Variants in CMSS1 observed in about 807,000 individuals in gnomAD.
CMSS1 encodes protein CMSS1.
A neutral mutation model predicts 43.5 loss-of-function variants in CMSS1; 33 were observed. The observed-to-expected ratio is 0.76, with a 90% CI of 0.57 to 1.01. The LOEUF is 1.01. Ranked by LOEUF, CMSS1 falls within the 50% of genes least tolerant of loss-of-function variation. The pLI is 0.00. For missense variants in CMSS1, 313 were observed against 326.4 expected (o/e 0.96, Z 0.32); for synonymous variants, 115 against 117.2 (o/e 0.98, Z 0.12).
intron 1 of CMSS1, among the ~76,000 whole-genome samples, chr3:99,970,532 TC>T (rs2107716161): frequency 6.6e-6 from 1 of 152,388 alleles, no homozygotes. Flanking sequence ...CAGAACACTT[TC>T]TCTACATTTT....
chr3:99,821,616 T>G (rs1942440706), intron 1 of CMSS1, among the ~76,000 whole-genome samples: 1 of 152,244 alleles, frequency 6.6e-6, no homozygotes, highest in African/African-American at 2.4e-5. Context: ...TGTGAAAATA[T>G]TAATGCTGAA....
chr3:99,962,785 A>G (rs1708533653), intron 1 of CMSS1, among the ~76,000 whole-genome samples: 1 of 152,214 alleles, frequency 6.6e-6, no homozygotes. Context: ...TGGGAGAGCT[A>G]GGATTTGGCT....
intron 1 of CMSS1, among the ~76,000 whole-genome samples, chr3:100,143,616 AT>A (rs2066822236): frequency 6.6e-6 from 1 of 152,146 alleles, no homozygotes; most frequent in African/African-American, 2.4e-5. Flanking sequence ...CTATCTAGTC[AT>A]TCTCTCAATT....
At chr3:99,862,161 G>A (rs940209133) in intron 1 of CMSS1, among the ~76,000 whole-genome samples, 1 of 151,972 alleles carries the variant, frequency 6.6e-6, no homozygotes, top group African/African-American at 2.4e-5. Flanking sequence ...ACAATATCTA[G>A]ATATATAAAA....
intron 1 of CMSS1, among the ~76,000 whole-genome samples, chr3:100,099,462 C>T (rs1228538923): frequency 6.6e-6 from 1 of 152,114 alleles, no homozygotes; most frequent in East Asian, 1.9e-4. Context: ...GAGAGCTGAT[C>T]TTGTAGCTAG....
intron 1 of CMSS1, among the ~76,000 whole-genome samples, chr3:100,058,746 TAGA>T (rs1310015196): frequency 6.6e-6 from 1 of 152,228 alleles, no homozygotes; most frequent in African/African-American, 2.4e-5. Flanking sequence ...GGCTTTTCAG[TAGA>T]AGGAGGACGC....
chr3:99,906,266 G>A (rs187837513), intron 1 of CMSS1, among the ~76,000 whole-genome samples: 22 of 152,242 alleles, frequency 1.4e-4, no homozygotes, highest in Non-Finnish European at 2.9e-4. Flanking sequence ...AATTTAATTT[G>A]TATTTCCCTG....
chr3:99,942,379 A>G (rs1015632925), intron 1 of CMSS1, among the ~76,000 whole-genome samples: 2 of 152,184 alleles, frequency 1.3e-5, no homozygotes, highest in Admixed American at 1.3e-4. Flanking sequence ...CAGGGGATAG[A>G]GGTGAAATAA....
At chr3:100,073,990 C>T (rs1019065142) in intron 1 of CMSS1, among the ~76,000 whole-genome samples, 2 of 151,850 alleles carry the variant, frequency 1.3e-5, no homozygotes, top group Admixed American at 6.6e-5. Flanking sequence ...TTCTCCTTCC[C>T]TTTTTTCAGT....
intron 1 of CMSS1, among the ~76,000 whole-genome samples, chr3:99,936,790 A>G (rs1707689920): frequency 6.6e-6 from 1 of 151,996 alleles, no homozygotes; most frequent in Non-Finnish European, 1.5e-5. Flanking sequence ...ACTATGCTGT[A>G]TCTACTTAGC....
At chr3:99,871,558 G>A (rs1288898044) in intron 1 of CMSS1, among the ~76,000 whole-genome samples, 1 of 152,172 alleles carries the variant, frequency 6.6e-6, no homozygotes, top group Non-Finnish European at 1.5e-5. Context: ...AAATAAAGCA[G>A]GGTAAGTACC....
intron 1 of CMSS1, among the ~76,000 whole-genome samples, chr3:100,074,369 G>C (rs189951): frequency 6.6e-6 from 1 of 152,132 alleles, no homozygotes; most frequent in Non-Finnish European, 1.5e-5. Context: ...TTAAAAATCA[G>C]AGGCTTTCTT....
chr3:100,119,347 T>C (rs542861272), intron 1 of CMSS1, among the ~76,000 whole-genome samples: 13 of 152,316 alleles, frequency 8.5e-5, no homozygotes, highest in Non-Finnish European at 1.8e-4. Context: ...TTGACTCACA[T>C]CCCAAATCCC....
intron 4 of CMSS1, among the ~76,000 whole-genome samples, chr3:100,163,000 T>C (rs1426109846): frequency 1.3e-5 from 2 of 152,156 alleles, no homozygotes; most frequent in Non-Finnish European, 2.9e-5. Flanking sequence ...ACATAATACT[T>C]CTTTTCCTCA....
rs147713943 is a variant in CMSS1 at position 100,164,346 on chromosome 3, T to A, written c.355+1914T>A. The stretch of plus-strand genomic sequence containing the variant: ...GATTTGTGAGCAGTGGGACCACTGC[T>A]GTTCTGTAACCTCATGGAACATCGT... On this transcript the variant is annotated intron_variant, in intron 4 of 9. Transcript: ENST00000421999. Among the ~76,000 whole-genome samples, 743 of 152,372 alleles carry A rather than the reference T, an allele frequency of 4.9e-3. 2 individuals are homozygous for A. Among genetic ancestry groups the A allele is most frequent in the Non-Finnish European group, 6.7e-3 (457 of 68,040 alleles).
At chr3:99,956,239 C>T (rs2107695232) in intron 1 of CMSS1, among the ~76,000 whole-genome samples, 1 of 152,270 alleles carries the variant, frequency 6.6e-6, no homozygotes, top group South Asian at 2.1e-4. Context: ...CACCTTTCTT[C>T]TTTGTTGCTT....
chr3:100,035,878 A>G (rs1177126963), intron 1 of CMSS1, among the ~76,000 whole-genome samples: 1 of 152,208 alleles, frequency 6.6e-6, no homozygotes, highest in East Asian at 1.9e-4. Context: ...CAAATCACAT[A>G]CATGTAATTT....
chr3:99,824,920 A>G (rs793475), intron 1 of CMSS1, among the ~76,000 whole-genome samples: 87,898 of 152,070 alleles, frequency 0.58, 25,599 homozygotes, highest in East Asian at 0.72. Context: ...ATTTTATGGT[A>G]TATTCTTCAA....
In CMSS1 at chr3:99,910,477, A is replaced by G. The variant is rs1389795768; in HGVS notation, c.64+92434A>G. Among the ~76,000 whole-genome samples the G allele has an allele frequency of 1.5e-5, 2 of 136,680 alleles. 1 individual carries two copies. Among genetic ancestry groups the G allele is most frequent in the Non-Finnish European group, 3.3e-5 (2 of 59,752 alleles). 89.7% of individuals were successfully genotyped at this position (136,680 alleles called of 152,430 possible). ...CCTATCACTGAGAGCTTTTAAAGTA[A>G]ACAAACACATGTCTTCACAGTTGTT... On this transcript the variant is annotated intron_variant, in intron 1 of 9. Transcript: ENST00000421999.
Sources: allele counts gnomAD v4.1 joint callset (sites outside exome capture counted in the v4.1 genomes callset), GRCh38; gene constraint gnomAD v4.1.1; transcripts MANE v1.5; gene names NCBI Gene and HGNC (gene_info 2026-07-23, HGNC 2026-07-21).